EBAG9: variants seen among roughly 807,000 people sequenced by gnomAD.
The protein encoded by EBAG9 is estrogen receptor binding site associated antigen 9, also known as receptor-binding cancer antigen expressed on SiSo cells.
A neutral mutation model predicts 30.9 loss-of-function variants in EBAG9; 16 were observed. The ratio of observed to expected loss-of-function variants is 0.52; its 90% CI spans 0.35 to 0.79. EBAG9 has a LOEUF of 0.79. Among genes scored for constraint, EBAG9 ranks in the 30% least tolerant of loss-of-function variants. The probability of loss-of-function intolerance (pLI) is 0.01; values close to 1 mark genes in which losing one functional copy is unlikely to be tolerated. For synonymous variants in EBAG9, 93 were observed against 82.8 expected (o/e 1.12, Z -0.67); for missense variants, 197 against 242.1 (o/e 0.81, Z 1.24).
chr8:109,557,784 G>T, intron 5 of EBAG9: 1 of 437,592 alleles, frequency 2.3e-6, no homozygotes, highest in Non-Finnish European at 4.7e-6. Flanking sequence ...GTGGTCGAAG[G>T]ATTCATTTCA....
At chr8:109,548,935 C>T (rs1269266394) in intron 1 of EBAG9, among the ~76,000 whole-genome samples, 23 of 142,278 alleles carry the variant, frequency 1.6e-4, no homozygotes, top group African/African-American at 6.2e-4. Context: ...ACTTCCACTA[C>T]GATGTTGACT....
intron 1 of EBAG9, among the ~76,000 whole-genome samples, chr8:109,545,699 T>A (rs1333644972): frequency 1.3e-5 from 2 of 152,168 alleles, no homozygotes; most frequent in Admixed American, 1.3e-4. Context: ...TTCCTATCAT[T>A]GCTATGGCTG....
chr8:109,542,908 T>A (rs1821305369), intron 1 of EBAG9, among the ~76,000 whole-genome samples: 1 of 152,110 alleles, frequency 6.6e-6, no homozygotes, highest in African/African-American at 2.4e-5. Flanking sequence ...TTTACAGTAC[T>A]CCAGCAAGAG....
intron 1 of EBAG9, among the ~76,000 whole-genome samples, chr8:109,547,166 A>G (rs1324938334): frequency 1.3e-5 from 2 of 151,970 alleles, no homozygotes; most frequent in South Asian, 2.1e-4. Context: ...AAGTCTTTAT[A>G]TGGCTATATA....
chr8:109,556,903 T>C (rs781683869), intron 4 of EBAG9, 32 bp from the exon 5 acceptor site: 1 of 1,209,916 alleles, frequency 8.3e-7, no homozygotes, highest in Non-Finnish European at 1.2e-6. Context: ...TTGTAAAAGA[T>C]CCCTATAATT....
At chr8:109,563,758 C>T (rs537005428) in intron 6 of EBAG9, among the ~76,000 whole-genome samples, 6 of 152,000 alleles carry the variant, frequency 3.9e-5, no homozygotes, top group Admixed American at 1.3e-4. Flanking sequence ...TCAGCCTTTC[C>T]GGTAGGCCCC....
intron 1 of EBAG9, among the ~76,000 whole-genome samples, chr8:109,550,078 AT>A (rs1821462468): frequency 6.6e-6 from 1 of 151,960 alleles, no homozygotes; most frequent in Non-Finnish European, 1.5e-5. Flanking sequence ...ATATGGTTAG[AT>A]TTACGTCTGT....
rs187536445 is a variant in EBAG9 at position 109,542,480 on chromosome 8, A to G, written c.-16+2019A>G. Among the ~76,000 whole-genome samples the G allele has an allele frequency of 1.6e-4, 25 of 152,268 alleles. No homozygotes were observed. The East Asian group carries it at 4.2e-3, about 26-fold the overall frequency. On this transcript the variant is annotated intron_variant, in intron 1 of 6. Coordinates refer to ENST00000337573, the MANE Select transcript of EBAG9 (RefSeq NM_004215.5). The stretch of plus-strand genomic sequence containing the variant: ...TAAAACTGACAGTCCCAAATGGTAA[A>G]TATCATTTTTCTTCACAACATACTG...
intron 6 of EBAG9, among the ~76,000 whole-genome samples, chr8:109,562,246 A>G (rs1263247898): frequency 6.6e-6 from 1 of 152,100 alleles, no homozygotes; most frequent in African/African-American, 2.4e-5. Flanking sequence ...AGTTCAAGCC[A>G]TGAGTTCACA....
intron 5 of EBAG9, among the ~76,000 whole-genome samples, 182 bp from the exon 6 acceptor site, chr8:109,560,656 A>G (rs557099647): frequency 1.2e-4 from 18 of 152,298 alleles, no homozygotes; most frequent in African/African-American, 4.1e-4. Flanking sequence ...AAAGTCATAC[A>G]TCAGTTCTAG....
At chr8:109,548,705 G>A (rs191968319) in intron 1 of EBAG9, among the ~76,000 whole-genome samples, 85 of 152,002 alleles carry the variant, frequency 5.6e-4, no homozygotes, top group African/African-American at 1.9e-3. Flanking sequence ...TTGTCCTCAA[G>A]TATCATTTTT....
At chr8:109,554,935 C>T (rs1357053191) in intron 4 of EBAG9, 48 bp downstream of exon 4, 2 of 1,536,548 alleles carry the variant, frequency 1.3e-6, no homozygotes, top group Non-Finnish European at 1.8e-6. Flanking sequence ...TTTTAGATTC[C>T]TATAGTTAAA....
chr8:109,549,480 T>C (rs755988507), intron 1 of EBAG9, among the ~76,000 whole-genome samples: 1 of 152,022 alleles, frequency 6.6e-6, no homozygotes, highest in Admixed American at 6.5e-5. Context: ...CCTAAGTGTT[T>C]TGTAGAATTT....
At chr8:109,561,567 G>A (rs1297152503) in intron 6 of EBAG9, among the ~76,000 whole-genome samples, 1 of 151,950 alleles carries the variant, frequency 6.6e-6, no homozygotes, top group African/African-American at 2.4e-5. Flanking sequence ...TTTATCTTAA[G>A]GGAGAGCTAG....
At chr8:109,552,968 A>G (rs1444936913) in intron 2 of EBAG9, among the ~76,000 whole-genome samples, 3 of 152,162 alleles carry the variant, frequency 2.0e-5, no homozygotes, top group Non-Finnish European at 4.4e-5. Context: ...TAAATTTCAT[A>G]AAGGACTATA....
intron 5 of EBAG9, 149 bp from the exon 6 acceptor site, chr8:109,560,688 CT>C (rs1048963723): frequency 1.1e-5 from 6 of 536,402 alleles, no homozygotes; most frequent in Non-Finnish European, 1.9e-5. Context: ...GCAAAATCAT[CT>C]GTGCCTTGTA....
chr8:109,558,656 G>A (rs765828811), intron 5 of EBAG9, among the ~76,000 whole-genome samples: 1 of 151,988 alleles, frequency 6.6e-6, no homozygotes, highest in African/African-American at 2.4e-5. Context: ...CTATTTCCAC[G>A]TATTTTCCTC....
At chr8:109,553,300 A>G (rs1821530125) in intron 2 of EBAG9, among the ~76,000 whole-genome samples, 1 of 152,218 alleles carries the variant, frequency 6.6e-6, no homozygotes, top group African/African-American at 2.4e-5. Context: ...TAGAAGTAAC[A>G]TTGAAAACTG....
chr8:109,560,639 A>G (rs1426158686), intron 5 of EBAG9, among the ~76,000 whole-genome samples, 199 bp from the exon 6 acceptor site: 1 of 152,200 alleles, frequency 6.6e-6, no homozygotes, highest in African/African-American at 2.4e-5. Context: ...AGGACTGTTG[A>G]ACACTGAAAG....
Sources: gnomAD v4.1 joint callset for allele counts (sites outside exome capture counted in the v4.1 genomes callset) on GRCh38, gnomAD v4.1.1 for gene constraint, MANE v1.5 for transcripts, NCBI Gene and HGNC (gene_info 2026-07-23, HGNC 2026-07-21) for gene names.